KANSL1L: variants seen among roughly 807,000 people sequenced by gnomAD.
The protein encoded by KANSL1L is KAT8 regulatory NSL complex subunit 1-like protein.
KANSL1L carries 25 observed loss-of-function variants against 108.6 expected under a neutral mutation model. The ratio of observed to expected loss-of-function variants is 0.23; its 90% CI spans 0.17 to 0.32. The LOEUF (loss-of-function observed/expected upper bound fraction) is 0.32, where lower values mean the gene tolerates loss of function less well. Ranked by LOEUF, KANSL1L falls within the 10% of genes least tolerant of loss-of-function variation. KANSL1L has a pLI of 1.00. For missense variants in KANSL1L, 1,137 were observed against 1,125.7 expected (o/e 1.01, Z -0.14); for synonymous variants, 405 against 395.1 (o/e 1.03, Z -0.30).
intron 8 of KANSL1L, among the ~76,000 whole-genome samples, chr2:210,034,214 G>A (rs2094067854): frequency 6.6e-6 from 1 of 152,178 alleles, no homozygotes; most frequent in Non-Finnish European, 1.5e-5. Flanking sequence ...AGGTGTTAAG[G>A]AATGCAATTG....
At chr2:210,081,235 AT>A (rs1222915537) in intron 5 of KANSL1L, among the ~76,000 whole-genome samples, 1 of 152,066 alleles carries the variant, frequency 6.6e-6, no homozygotes, top group Non-Finnish European at 1.5e-5. Context: ...ATTCTGCCTC[AT>A]TTTCTTTCCT....
intron 8 of KANSL1L, among the ~76,000 whole-genome samples, chr2:210,036,390 C>T (rs1274098328): frequency 2.6e-5 from 4 of 151,958 alleles, no homozygotes; most frequent in Non-Finnish European, 5.9e-5. Context: ...CCATGTTGCC[C>T]AGGCTGGTCT....
At chr2:210,163,244 A>T (rs2095370736) in intron 1 of KANSL1L, among the ~76,000 whole-genome samples, 1 of 152,238 alleles carries the variant, frequency 6.6e-6, no homozygotes, top group Non-Finnish European at 1.5e-5. Context: ...TAATATGCTA[A>T]GGCCTCTAAT....
chr2:210,083,396 T>C (rs547255555), intron 5 of KANSL1L, among the ~76,000 whole-genome samples: 25 of 152,318 alleles, frequency 1.6e-4, no homozygotes, highest in African/African-American at 5.8e-4. Context: ...TTCAAGTTTC[T>C]CCTTTTCCAG....
chr2:210,097,974 C>A, intron 5 of KANSL1L, 112 bp downstream of exon 5: 1 of 717,018 alleles, frequency 1.4e-6, no homozygotes, highest in Non-Finnish European at 2.2e-6. Flanking sequence ...CTCTAGTAGC[C>A]CCTAATGTAC....
chr2:210,150,151 T>C (rs2095292128), intron 2 of KANSL1L, among the ~76,000 whole-genome samples: 1 of 152,134 alleles, frequency 6.6e-6, no homozygotes. Flanking sequence ...CTTAGATACA[T>C]TATTTTCTTA....
At position 210,044,770 on chromosome 2, in the gene KANSL1L, ATTTT is replaced by A. The variant is rs1261691696; in HGVS notation, c.1756-670_1756-667del. ...GTGACAAATTGCATTAACAGATTTT[ATTTT>A]TTATTTTATTTTTTTGAGACAGTCT... On this transcript the variant is annotated intron_variant, in intron 6 of 14. Coordinates refer to ENST00000281772, the MANE Select transcript of KANSL1L (RefSeq NM_152519.4). The surrounding 1 kb of genome is among the most constrained non-coding windows in gnomAD (Gnocchi z 4.2). 2.6e-5 allele frequency among the ~76,000 whole-genome samples: 4 copies of A among 151,878 alleles called. No homozygotes were observed. Among genetic ancestry groups the A allele is most frequent in the Admixed American group, 1.3e-4 (2 of 15,236 alleles).
intron 5 of KANSL1L, among the ~76,000 whole-genome samples, chr2:210,086,597 ATAAT>A (rs1291620709): frequency 6.6e-6 from 1 of 152,126 alleles, no homozygotes; most frequent in Non-Finnish European, 1.5e-5. Context: ...GCCCTGGGAA[ATAAT>A]TAACCAGGTA....
chr2:210,058,763 G>C (rs2094385839), intron 6 of KANSL1L, among the ~76,000 whole-genome samples: 1 of 151,874 alleles, frequency 6.6e-6, no homozygotes, highest in South Asian at 2.1e-4. Flanking sequence ...TGTGAACCCG[G>C]GAGGCGCAAT....
At chr2:210,134,135 C>A (rs2095152740) in intron 2 of KANSL1L, among the ~76,000 whole-genome samples, 1 of 152,062 alleles carries the variant, frequency 6.6e-6, no homozygotes, top group East Asian at 1.9e-4. Context: ...GAGAAGTTAG[C>A]AGTGATTTTT....
At chr2:210,171,855 T>C (rs1015507796), upstream of KANSL1L, 9 of 152,120 alleles carry the variant, frequency 5.9e-5, no homozygotes, top group East Asian at 1.9e-4. Context: ...TTTCTCACAA[T>C]TGTCAAGTCC....
At chr2:210,103,131 G>C (rs375488992) in intron 4 of KANSL1L, among the ~76,000 whole-genome samples, 3 of 152,182 alleles carry the variant, frequency 2.0e-5, no homozygotes, top group Non-Finnish European at 4.4e-5. Context: ...GGAATACTAT[G>C]TAGCCATAAA....
At chr2:210,032,130 T>A (rs917520450) in intron 8 of KANSL1L, 1 of 152,194 alleles carries the variant, frequency 6.6e-6, no homozygotes, top group Non-Finnish European at 1.5e-5. Context: ...CCAGCCTTGG[T>A]CTAACAACCA....
intron 9 of KANSL1L, among the ~76,000 whole-genome samples, chr2:210,030,270 CTT>C (rs2093996841): frequency 3.3e-5 from 5 of 151,904 alleles, no homozygotes; most frequent in African/African-American, 4.8e-5. Flanking sequence ...TCATATCTGA[CTT>C]TTTATCCTAA....
chr2:210,034,479 G>A (rs2094072398), intron 8 of KANSL1L, among the ~76,000 whole-genome samples: 1 of 152,204 alleles, frequency 6.6e-6, no homozygotes, highest in Non-Finnish European at 1.5e-5. Context: ...GAATCATGAG[G>A]GAGGAGCCAG....
chr2:210,154,428 G>A lies in KANSL1L; in HGVS notation c.155C>T (p.Pro52Leu), dbSNP rs752784018. Residue 52 changes from proline (P) to leucine (L), a missense_variant, in exon 2 of 15, where the codon CCA becomes CTA. By Grantham distance (98) the Pro-to-Leu change is moderately conservative. Coordinates refer to ENST00000281772, the MANE Select transcript of KANSL1L (RefSeq NM_152519.4). ...GDTFSQMLGF[P>L]TPEPTLNTNF... The stretch of plus-strand genomic sequence containing the variant: ...AGTATTAAGAGTAGGTTCAGGAGTT[G>A]GAAATCCAAGCATCTGAGAAAAGGT... 4 of 1,613,120 alleles carry A rather than the reference G, an allele frequency of 2.5e-6. No individual in the cohort carries two copies. In the Admixed American group the frequency reaches 5.0e-5, roughly 20 times the overall value.
At chr2:210,071,545 A>G (rs2094507969) in intron 6 of KANSL1L, among the ~76,000 whole-genome samples, 2 of 152,170 alleles carry the variant, frequency 1.3e-5, no homozygotes, top group Non-Finnish European at 2.9e-5. Flanking sequence ...TTGGGATTAC[A>G]GGCATGAGCT....
At chr2:210,100,757 C>T (rs184480942) in intron 4 of KANSL1L, among the ~76,000 whole-genome samples, 1 of 152,258 alleles carries the variant, frequency 6.6e-6, no homozygotes, top group East Asian at 1.9e-4. Flanking sequence ...TCCACCTCAG[C>T]CTCCTGAGTA....
chr2:210,142,521 A>G (rs2095237679), intron 2 of KANSL1L, among the ~76,000 whole-genome samples: 1 of 151,704 alleles, frequency 6.6e-6, no homozygotes, highest in Non-Finnish European at 1.5e-5. Flanking sequence ...TTCTTGTACT[A>G]ATTTTGGGAT....
Sources: allele counts gnomAD v4.1 joint callset (sites outside exome capture counted in the v4.1 genomes callset), GRCh38; gene constraint gnomAD v4.1.1; non-coding constraint Gnocchi (gnomAD v3.1); transcripts MANE v1.5; gene names NCBI Gene and HGNC (gene_info 2026-07-23, HGNC 2026-07-21).